The following CSMD3 variants were observed in gnomAD, a reference collection of about 807,000 sequenced individuals.
CSMD3 encodes CUB and Sushi multiple domains 3.
In CSMD3, 177 loss-of-function variants were observed where a neutral mutation model predicts 435.2. That is an observed-to-expected ratio of 0.41 (90% confidence interval 0.36 to 0.46). CSMD3 has a LOEUF of 0.46. Among genes scored for constraint, CSMD3 ranks in the 20% least tolerant of loss-of-function variants. The probability of loss-of-function intolerance (pLI) is 0.34; values close to 1 mark genes in which losing one functional copy is unlikely to be tolerated. For missense variants in CSMD3, 4,265 were observed against 4,504.6 expected (o/e 0.95, Z 1.52); for synonymous variants, 1,656 against 1,520.5 (o/e 1.09, Z -2.07).
chr8:112,930,078 T>G (rs771143007), intron 9 of CSMD3, among the ~76,000 whole-genome samples: 2 of 152,108 alleles, frequency 1.3e-5, no homozygotes, highest in African/African-American at 4.8e-5. Flanking sequence ...ATGAAATAAT[T>G]TAATGCTATA....
intron 38 of CSMD3, among the ~76,000 whole-genome samples, chr8:112,377,463 A>C (rs1011178463): frequency 6.6e-6 from 1 of 152,142 alleles, no homozygotes; most frequent in Non-Finnish European, 1.5e-5. Flanking sequence ...CTTCAAAAAA[A>C]ATTGAAGAGG....
rs1174800587 is a variant in CSMD3 at position 112,947,811 on chromosome 8, T to A, written c.1487A>T (p.Lys496Met). The change falls in exon 9 of 71, where the codon AAG (lysine) becomes ATG (methionine). Residue 496 changes from lysine to methionine, a missense_variant. Physicochemically the swap from Lys to Met is moderately conservative, Grantham distance 95. Transcript: ENST00000297405. ...CPDPGEPENG[K>M]RIGSDFSLGS... is the part of the protein sequence containing the mutation. Reference sequence around the variant, plus strand: ...TTACCTAAAATCTGATCCGATTCTCTTCCCATTTTCTGGTTCTCCTGGATC... The same window carrying A: ...TTACCTAAAATCTGATCCGATTCTCATCCCATTTTCTGGTTCTCCTGGATC... The A allele has an allele frequency of 6.8e-7, 1 of 1,460,860 alleles. No individual in the cohort carries two copies. Among genetic ancestry groups the A allele is most frequent in the Admixed American group, 1.7e-5 (1 of 59,510 alleles). The allele number at this position is 1,460,860 out of a possible 1,614,324, so 90.5% of individuals were successfully genotyped here.
chr8:113,339,868 A>G (rs2094105590), intron 1 of CSMD3, among the ~76,000 whole-genome samples: 1 of 151,960 alleles, frequency 6.6e-6, no homozygotes, highest in East Asian at 1.9e-4. Flanking sequence ...CCTTCTTTAT[A>G]TCTATCAATG....
At chr8:113,038,307 AT>A (rs1045765554) in intron 5 of CSMD3, among the ~76,000 whole-genome samples, 3 of 152,236 alleles carry the variant, frequency 2.0e-5, no homozygotes, top group Non-Finnish European at 4.4e-5. Context: ...TCACAAAAAA[AT>A]AAATCGTGCT....
At chr8:113,399,753 A>G (rs1164805020) in intron 1 of CSMD3, among the ~76,000 whole-genome samples, 1 of 151,948 alleles carries the variant, frequency 6.6e-6, no homozygotes, top group East Asian at 1.9e-4. Flanking sequence ...AGATGACTGT[A>G]CAACCCCTCC....
chr8:113,042,226 C>T (rs1013758654), intron 5 of CSMD3, among the ~76,000 whole-genome samples: 1 of 152,028 alleles, frequency 6.6e-6, no homozygotes, highest in Non-Finnish European at 1.5e-5. Flanking sequence ...TTATATTGCA[C>T]TCGTTTTGAA....
chr8:112,388,340 G>T (rs1257334027), intron 36 of CSMD3, among the ~76,000 whole-genome samples: 2 of 152,166 alleles, frequency 1.3e-5, no homozygotes, highest in African/African-American at 4.8e-5. Context: ...TCTACTGGAC[G>T]TACAGGGAAT....
chr8:112,862,431 T>A (rs2080853256), intron 10 of CSMD3, among the ~76,000 whole-genome samples: 1 of 152,018 alleles, frequency 6.6e-6, no homozygotes, highest in Non-Finnish European at 1.5e-5. Flanking sequence ...CTGATAGAAC[T>A]ACTGGACGTT....
chr8:112,225,356 T>TA (rs1259215023), intron 70 of CSMD3, among the ~76,000 whole-genome samples: 1 of 151,982 alleles, frequency 6.6e-6, no homozygotes, highest in East Asian at 1.9e-4. Context: ...ATCATTTTTT[T>TA]AAAAAAAGAC....
chr8:112,829,634 A>G, intron 12 of CSMD3, 52 bp downstream of exon 12: 1 of 1,020,624 alleles, frequency 9.8e-7, no homozygotes, highest in Non-Finnish European at 1.6e-6. Context: ...TGAAAGTAAA[A>G]TTTTATTAGT....
At chr8:112,753,057 C>G (rs911723193) in intron 13 of CSMD3, among the ~76,000 whole-genome samples, 2 of 152,040 alleles carry the variant, frequency 1.3e-5, no homozygotes, top group Non-Finnish European at 2.9e-5. Context: ...CCCTTAGTAG[C>G]TGGGACTGCA....
At chr8:113,172,913 G>A (rs765133434) in intron 4 of CSMD3, among the ~76,000 whole-genome samples, 2 of 152,124 alleles carry the variant, frequency 1.3e-5, no homozygotes, top group Middle Eastern at 3.2e-3. Flanking sequence ...TGTTGAACAC[G>A]TTCTGTTTCC....
chr8:113,058,165 T>G (rs890343507), intron 5 of CSMD3, among the ~76,000 whole-genome samples: 1 of 151,954 alleles, frequency 6.6e-6, no homozygotes, highest in Non-Finnish European at 1.5e-5. Context: ...CACAGCTTCT[T>G]TCAAATAAAT....
intron 5 of CSMD3, among the ~76,000 whole-genome samples, chr8:113,088,686 A>G (rs1271289968): frequency 9.7e-5 from 13 of 134,312 alleles, no homozygotes; most frequent in Non-Finnish European, 1.9e-4. Flanking sequence ...CAAGAAGGGG[A>G]ACATCACACT....
intron 45 of CSMD3, among the ~76,000 whole-genome samples, chr8:112,323,705 A>G (rs1823228042): frequency 6.6e-6 from 1 of 152,066 alleles, no homozygotes; most frequent in Non-Finnish European, 1.5e-5. Context: ...TGTGTTATTA[A>G]ATTGGCCTAT....
At chr8:113,206,684 C>T (rs2092774575) in intron 3 of CSMD3, among the ~76,000 whole-genome samples, 1 of 152,090 alleles carries the variant, frequency 6.6e-6, no homozygotes, top group Non-Finnish European at 1.5e-5. Flanking sequence ...TTATCATTTT[C>T]TCATGTAACT....
Position 112,301,939 on chromosome 8 carries a change from G to A in CSMD3, c.8294C>T (p.Pro2765Leu). The A allele has an allele frequency of 1.2e-6, 2 of 1,610,812 alleles. No homozygotes were observed. The highest frequency in any genetic ancestry group is 1.7e-6 in the Non-Finnish European group (2 of 1,177,172). ...QIISCGELPT[P>L]PNGNKIGTQT... Reference sequence around the variant, plus strand: ...AGTTCCAATCTTATTTCCATTTGGAGGTGTAGGTAGTTCTCCACAGGAAAT... The same window carrying A: ...AGTTCCAATCTTATTTCCATTTGGAAGTGTAGGTAGTTCTCCACAGGAAAT... The change falls in exon 53 of 71, where the codon CCT (proline) becomes CTT (leucine). Residue 2765 changes from proline (P) to leucine (L), a missense_variant. Coordinates refer to ENST00000297405, the MANE Select transcript of CSMD3 (RefSeq NM_198123.2).
chr8:112,927,666 G>T (rs964192027), intron 9 of CSMD3, among the ~76,000 whole-genome samples: 3 of 152,050 alleles, frequency 2.0e-5, no homozygotes, highest in Non-Finnish European at 4.4e-5. Flanking sequence ...ATATTACAAA[G>T]TATTTCATCT....
intron 6 of CSMD3, among the ~76,000 whole-genome samples, chr8:112,985,992 A>G (rs927324585): frequency 1.3e-5 from 2 of 152,162 alleles, no homozygotes; most frequent in Admixed American, 6.6e-5. Context: ...CGATCTGTGG[A>G]AAAACTGTCT....
Sources: allele counts gnomAD v4.1 joint callset (sites outside exome capture counted in the v4.1 genomes callset), GRCh38; gene constraint gnomAD v4.1.1; transcripts MANE v1.5; gene names NCBI Gene and HGNC (gene_info 2026-07-23, HGNC 2026-07-21).